LRIT3: variants seen among roughly 807,000 people sequenced by gnomAD.
LRIT3 encodes leucine rich repeat, Ig-like and transmembrane domains 3.
A neutral mutation model predicts 22.6 loss-of-function variants in LRIT3; 14 were observed. The ratio of observed to expected loss-of-function variants is 0.62; its 90% CI spans 0.41 to 0.97. The LOEUF is 0.97. Among genes scored for constraint, LRIT3 ranks in the 50% least tolerant of loss-of-function variants. The pLI, the probability that LRIT3 is intolerant of heterozygous loss-of-function variation, is 0.00. For synonymous variants in LRIT3, 306 were observed against 304.5 expected, an observed-to-expected ratio of 1.01 and a Z score of -0.05; for missense variants, 783 against 803.0, an observed-to-expected ratio of 0.98 and a Z score of 0.30.
At chr4:109,853,349 T>A (rs1220651599) in intron 2 of LRIT3, among the ~76,000 whole-genome samples, 1 of 152,252 alleles carries the variant, frequency 6.6e-6, no homozygotes, top group Non-Finnish European at 1.5e-5. Context: ...ATGAGCTTTT[T>A]TTTCATATGT....
chr4:109,858,890 G>A (rs924260977), intron 2 of LRIT3, among the ~76,000 whole-genome samples: 4 of 152,132 alleles, frequency 2.6e-5, no homozygotes, highest in Admixed American at 6.5e-5. Flanking sequence ...TACTGCAATA[G>A]GCTGGACCAT....
At position 109,867,639 on chromosome 4, in the gene LRIT3, A is replaced by G. The variant is rs755059877; in HGVS notation, c.590-2A>G. 1 of 1,610,160 alleles carries G rather than the reference A, an allele frequency of 6.2e-7. No homozygotes were observed. The highest frequency in any genetic ancestry group is 1.1e-5 in the South Asian group (1 of 90,926). On this transcript the variant is annotated splice_acceptor_variant, in intron 2 of 3. Coordinates refer to ENST00000594814, the MANE Select transcript of LRIT3 (RefSeq NM_198506.5). LOFTEE classifies it high-confidence loss of function. ...GTCAACCTTTCCCACCTTCTGTTTTAGGTCTACAGGACAATCCTTGGTTCT... is the reference window on the plus strand; with the variant it reads ...GTCAACCTTTCCCACCTTCTGTTTTGGGTCTACAGGACAATCCTTGGTTCT...
intron 2 of LRIT3, among the ~76,000 whole-genome samples, chr4:109,853,010 C>T (rs545878939): frequency 1.2e-4 from 18 of 152,280 alleles, no homozygotes; most frequent in Admixed American, 1.1e-3. Flanking sequence ...GGTTCGAAGT[C>T]TTTGCTATTG....
intron 2 of LRIT3, among the ~76,000 whole-genome samples, chr4:109,852,716 C>A (rs1479430928): frequency 6.6e-6 from 1 of 152,150 alleles, no homozygotes; most frequent in Non-Finnish European, 1.5e-5. Context: ...TTAGGTATTT[C>A]TCCTAATGCT....
intron 2 of LRIT3, among the ~76,000 whole-genome samples, chr4:109,854,398 G>A (rs540630905): frequency 6.6e-6 from 1 of 152,164 alleles, no homozygotes; most frequent in East Asian, 1.9e-4. Context: ...TCTATTATTG[G>A]TGTATAGAAA....
At chr4:109,849,570 A>G (rs985207697) in intron 1 of LRIT3, among the ~76,000 whole-genome samples, 8 of 152,204 alleles carry the variant, frequency 5.3e-5, no homozygotes, top group African/African-American at 1.9e-4. Context: ...TTTAGCGTAC[A>G]AACTAGACTT....
intron 1 of LRIT3, among the ~76,000 whole-genome samples, chr4:109,850,354 TCTTC>T (rs1375109499): frequency 7.3e-6 from 1 of 137,060 alleles, no homozygotes; most frequent in Non-Finnish European, 1.6e-5. Context: ...GACAGTGTTG[TCTTC>T]CTTCCTTCCT....
At position 109,870,788 on chromosome 4, in the gene LRIT3, A is replaced by G. The variant is rs1159466669; in HGVS notation, c.2039A>G (p.Ter680=). 1.3e-6 allele frequency: 2 copies of G among 1,586,084 alleles called. No individual in the cohort carries two copies. The highest frequency in any genetic ancestry group is 1.7e-5 in the Admixed American group (1 of 57,260). The part of the protein sequence containing the change: ...SEGSRPEYYC[*] ...GGTTCCAGACCAGAGTATTATTGCT[A>G]AGGTTCTGCAGCTCAGGTGCATGTG... Residue 680 remains the stop codon, a stop_retained_variant, in exon 4 of 4, where the codon TAA becomes TGA. Coordinates refer to ENST00000594814, the MANE Select transcript of LRIT3 (RefSeq NM_198506.5).
intron 2 of LRIT3, among the ~76,000 whole-genome samples, chr4:109,864,734 G>A (rs1442769966): frequency 6.6e-6 from 1 of 152,124 alleles, no homozygotes; most frequent in Non-Finnish European, 1.5e-5. Flanking sequence ...TCAGCCTTTG[G>A]AAGAGGTTCA....
Position 109,848,225 on chromosome 4 carries a change from C to T in LRIT3, c.24C>T (p.Cys8=). 8.1e-7 allele frequency: 1 copy of T among 1,231,854 alleles called. No individual in the cohort carries two copies. Among genetic ancestry groups the T allele is most frequent in the South Asian group, 4.1e-5 (1 of 24,308 alleles). The allele number at this position is 1,231,854 out of a possible 1,614,324, so 76.3% of individuals were successfully genotyped here. A position where few individuals can be genotyped will look rare whatever the true frequency, so the allele number is the denominator to read the frequency against. Residue 8 remains cysteine (C), a synonymous_variant, in exon 1 of 4, where the codon TGC becomes TGT. Coordinates refer to ENST00000594814, the MANE Select transcript of LRIT3 (RefSeq NM_198506.5). ...CAATGCATCTCTTTGCATGTCTGTG[C>T]ATTGTCCTTAGCTTTTTGGAAGGAG... MHLFACL[C]IVLSFLEGVG...
Position 109,851,316 on chromosome 4 carries a change from A to T in LRIT3, c.117-188A>T, listed in dbSNP as rs1317924297. On this transcript the variant is annotated intron_variant, in intron 1 of 3. Coordinates refer to ENST00000594814, the MANE Select transcript of LRIT3 (RefSeq NM_198506.5). ...GTGAAGTGGTTTTCCATGGCCACAG[A>T]GGAGGTGGCAAACCTTAGACCTTGG... The T allele has an allele frequency of 1.3e-5, 9 of 671,404 alleles. No homozygotes were observed. The East Asian group carries it at 2.6e-4, about 19-fold the overall frequency. 41.6% of individuals were successfully genotyped at this position (671,404 alleles called of 1,614,324 possible).
intron 1 of LRIT3, among the ~76,000 whole-genome samples, chr4:109,850,620 G>T (rs1191771377): frequency 2.0e-5 from 3 of 151,338 alleles, no homozygotes; most frequent in Non-Finnish European, 4.4e-5. Context: ...AGGATTACAG[G>T]TACCTACCAC....
chr4:109,865,069 G>C, intron 2 of LRIT3: 1 of 1,411,776 alleles, frequency 7.1e-7, no homozygotes, highest in Non-Finnish European at 9.3e-7. Context: ...TTAGTTTGTT[G>C]TTCCATCTTT....
chr4:109,869,564 A>T (rs1734767594), intron 3 of LRIT3, 81 bp from the exon 4 acceptor site: 2 of 1,337,892 alleles, frequency 1.5e-6, no homozygotes, highest in Non-Finnish European at 2.1e-6. Context: ...TGTAGAGTGG[A>T]TAGTTGTTTC....
At chr4:109,867,969 T>G in intron 3 of LRIT3, 23 bp downstream of exon 3, 1 of 1,588,240 alleles carries the variant, frequency 6.3e-7, no homozygotes, top group Non-Finnish European at 8.6e-7. Flanking sequence ...TTCAGCCCCA[T>G]GATCAAAGGA....
At chr4:109,862,141 C>T (rs1027981482) in intron 2 of LRIT3, among the ~76,000 whole-genome samples, 1 of 152,136 alleles carries the variant, frequency 6.6e-6, no homozygotes, top group Non-Finnish European at 1.5e-5. Flanking sequence ...GCTTATAGTC[C>T]TCAGAATAAC....
Position 109,848,168 on chromosome 4 carries a change from T to C in LRIT3, c.-34T>C. On this transcript the variant is annotated 5_prime_UTR_variant, in exon 1 of 4. Transcript: ENST00000594814. ...GTTCTGAATGCTTAGGATTCGGTTT[T>C]TACCTTTTGTTTAAATAACCTCTAA... 8.5e-7 allele frequency: 1 copy of C among 1,175,854 alleles called. No individual in the cohort carries two copies. Among genetic ancestry groups the C allele is most frequent in the Non-Finnish European group, 1.1e-6 (1 of 936,642 alleles). 72.8% of individuals were successfully genotyped at this position (1,175,854 alleles called of 1,614,324 possible).
At chr4:109,861,317 C>T (rs1380910934) in intron 2 of LRIT3, among the ~76,000 whole-genome samples, 2 of 149,930 alleles carry the variant, frequency 1.3e-5, no homozygotes, top group Non-Finnish European at 2.9e-5. Flanking sequence ...GAGATCACGT[C>T]ACTGCACTAC....
intron 2 of LRIT3, among the ~76,000 whole-genome samples, chr4:109,855,986 G>C (rs2125898407): frequency 6.6e-6 from 1 of 152,248 alleles, no homozygotes; most frequent in Admixed American, 6.5e-5. Flanking sequence ...TTATCCATAT[G>C]AACAGGCACC....
Sources: allele counts gnomAD v4.1 joint callset (sites outside exome capture counted in the v4.1 genomes callset), GRCh38; gene constraint gnomAD v4.1.1; transcripts MANE v1.5; gene names NCBI Gene and HGNC (gene_info 2026-07-23, HGNC 2026-07-21).